Variants in NRXN3 observed in about 807,000 individuals in gnomAD.
The protein encoded by NRXN3 is neurexin III.
In NRXN3, 32 loss-of-function variants were observed where a neutral mutation model predicts 137.6. The ratio of observed to expected loss-of-function variants is 0.23; its 90% CI spans 0.18 to 0.31. NRXN3 has a LOEUF of 0.31. Ranked by LOEUF, NRXN3 falls within the 10% of genes least tolerant of loss-of-function variation. The probability of loss-of-function intolerance (pLI) is 1.00; values close to 1 mark genes in which losing one functional copy is unlikely to be tolerated. For synonymous variants in NRXN3, 798 were observed against 784.5 expected, an observed-to-expected ratio of 1.02 and a Z score of -0.29; for missense variants, 1,574 against 2,062.5, an observed-to-expected ratio of 0.76 and a Z score of 4.59.
At chr14:79,258,185 TTCTTC>T (rs2032918536) in intron 15 of NRXN3, among the ~76,000 whole-genome samples, 2 of 152,090 alleles carry the variant, frequency 1.3e-5, no homozygotes, top group Non-Finnish European at 2.9e-5. Flanking sequence ...TAAGCTTCAT[TTCTTC>T]TCTTCTCTTC....
At chr14:79,233,614 T>C (rs2072655541) in intron 15 of NRXN3, among the ~76,000 whole-genome samples, 1 of 152,064 alleles carries the variant, frequency 6.6e-6, no homozygotes. Context: ...GGAATAACTT[T>C]AGTTCTTTTG....
intron 1 of NRXN3, among the ~76,000 whole-genome samples, chr14:78,171,779 C>A (rs1053319106): frequency 2.0e-5 from 3 of 151,866 alleles, no homozygotes; most frequent in Non-Finnish European, 2.9e-5. Context: ...TAAATGTCTG[C>A]CTCTTTTAAT....
chr14:78,676,741 G>A (rs1000551807), intron 6 of NRXN3, among the ~76,000 whole-genome samples: 3 of 152,170 alleles, frequency 2.0e-5, no homozygotes, highest in Non-Finnish European at 4.4e-5. Flanking sequence ...GAGAGGGAAA[G>A]TCAGTGCCTG....
At chr14:78,322,055 C>A (rs1381500011) in intron 4 of NRXN3, among the ~76,000 whole-genome samples, 1 of 152,016 alleles carries the variant, frequency 6.6e-6, no homozygotes, top group African/African-American at 2.4e-5. Context: ...CTCCTTTCTA[C>A]CGCACTACCC....
intron 6 of NRXN3, among the ~76,000 whole-genome samples, chr14:78,684,940 A>G (rs1381552083): frequency 2.0e-5 from 3 of 152,192 alleles, no homozygotes; most frequent in African/African-American, 7.2e-5. Context: ...ATTATGCTTT[A>G]CATATTTTGG....
chr14:78,982,086 A>G (rs905363134), intron 14 of NRXN3, among the ~76,000 whole-genome samples: 3 of 152,146 alleles, frequency 2.0e-5, no homozygotes, highest in African/African-American at 7.2e-5. Context: ...CCAATTAAAT[A>G]CCACCACCCC....
chr14:79,490,367 T>C (rs2096705014), intron 16 of NRXN3, among the ~76,000 whole-genome samples: 1 of 152,206 alleles, frequency 6.6e-6, no homozygotes, highest in South Asian at 2.1e-4. Flanking sequence ...TGCAGTCCTA[T>C]GTTTGTTGCA....
At chr14:78,244,034 C>T (rs1469313599) in intron 2 of NRXN3, among the ~76,000 whole-genome samples, 1 of 152,200 alleles carries the variant, frequency 6.6e-6, no homozygotes, top group Non-Finnish European at 1.5e-5. Flanking sequence ...GTACCCTACT[C>T]AGAGGGTTAG....
At chr14:79,720,873 G>T (rs2098842090) in intron 19 of NRXN3, among the ~76,000 whole-genome samples, 1 of 151,968 alleles carries the variant, frequency 6.6e-6, no homozygotes, top group Admixed American at 6.6e-5. Flanking sequence ...GTAAAGGTGG[G>T]AATATTTTTA....
chr14:78,531,630 G>A (rs1244005023), intron 4 of NRXN3, among the ~76,000 whole-genome samples: 5 of 151,892 alleles, frequency 3.3e-5, no homozygotes, highest in African/African-American at 1.2e-4. Context: ...TTTTTTGCAT[G>A]TGCTGGTGTC....
At chr14:79,705,245 G>T (rs1335154505) in intron 19 of NRXN3, among the ~76,000 whole-genome samples, 1 of 152,030 alleles carries the variant, frequency 6.6e-6, no homozygotes, top group East Asian at 1.9e-4. Context: ...CCTCAGGGTG[G>T]TTTTTCTAAT....
chr14:79,087,273 T>C (rs2048305865), intron 15 of NRXN3, among the ~76,000 whole-genome samples: 1 of 152,116 alleles, frequency 6.6e-6, no homozygotes, highest in African/African-American at 2.4e-5. Context: ...GCCTGCTACC[T>C]CTGGACTCTC....
At chr14:78,307,338 A>T (rs891553873) in intron 4 of NRXN3, among the ~76,000 whole-genome samples, 7 of 151,928 alleles carry the variant, frequency 4.6e-5, no homozygotes, top group East Asian at 1.9e-4. Context: ...TTTATTTTTT[A>T]AAAAATTACC....
intron 16 of NRXN3, among the ~76,000 whole-genome samples, chr14:79,601,244 T>C (rs2097919205): frequency 6.6e-6 from 1 of 152,044 alleles, no homozygotes; most frequent in Admixed American, 6.5e-5. Context: ...GGTTTCACCA[T>C]GTTGGCCAGA....
At chr14:79,543,909 C>T (rs1187590306) in intron 16 of NRXN3, among the ~76,000 whole-genome samples, 1 of 152,156 alleles carries the variant, frequency 6.6e-6, no homozygotes, top group Non-Finnish European at 1.5e-5. Flanking sequence ...AATTAATGCC[C>T]TTAGCAGTCC....
At chr14:79,395,657 A>G (rs1201864937) in intron 15 of NRXN3, among the ~76,000 whole-genome samples, 2 of 151,910 alleles carry the variant, frequency 1.3e-5, no homozygotes, top group Non-Finnish European at 2.9e-5. Flanking sequence ...AAATACAAAA[A>G]AATTAGCCAG....
intron 17 of NRXN3, among the ~76,000 whole-genome samples, chr14:79,670,030 G>A (rs529873516): frequency 2.1e-4 from 32 of 152,126 alleles, no homozygotes; most frequent in Middle Eastern, 3.4e-3. Flanking sequence ...TGAGCAGTGT[G>A]GCTGGTATGA....
intron 15 of NRXN3, among the ~76,000 whole-genome samples, chr14:79,005,488 C>T (rs1258999163): frequency 3.9e-5 from 6 of 152,052 alleles, no homozygotes; most frequent in Non-Finnish European, 5.9e-5. Context: ...TGATGAGAGT[C>T]TTTCTTCATA....
In NRXN3 at chr14:79,314,195, C is replaced by T. The variant is rs111309419; in HGVS notation, c.3263-153026C>T. The stretch of plus-strand genomic sequence containing the variant: ...GGGAGTGCCAGACAGTGGGCGCAGG[C>T]CAGTGTGTGCGCGCACCGTGCGCGA... On this transcript the variant is annotated intron_variant, in intron 15 of 20. Transcript: ENST00000335750. The T allele has an allele frequency of 3.5e-5, 5 of 142,972 alleles. 1 individual carries two copies. The Middle Eastern group carries it at 0.011, about 306-fold the overall frequency. 8.9% of individuals were successfully genotyped at this position (142,972 alleles called of 1,614,324 possible).
Sources: allele counts gnomAD v4.1 joint callset (sites outside exome capture counted in the v4.1 genomes callset), GRCh38; gene constraint gnomAD v4.1.1; transcripts MANE v1.5; gene names NCBI Gene and HGNC (gene_info 2026-07-23, HGNC 2026-07-21).